Variants in GABPB1 observed in about 807,000 individuals in gnomAD.
The protein encoded by GABPB1 is GA binding protein transcription factor subunit beta 1, also known as GA-binding protein subunit beta-1.
Under a neutral mutation model 45.9 loss-of-function variants are expected in GABPB1, and 15 were observed. The ratio of observed to expected loss-of-function variants is 0.33; its 90% CI spans 0.22 to 0.50. The LOEUF is 0.50. GABPB1 is among the 20% of genes least tolerant of loss of function. The pLI, the probability that GABPB1 is intolerant of heterozygous loss-of-function variation, is 0.98. For synonymous variants in GABPB1, 143 were observed against 154.4 expected, an observed-to-expected ratio of 0.93 and a Z score of 0.55; for missense variants, 252 against 457.5, an observed-to-expected ratio of 0.55 and a Z score of 4.10.
In GABPB1 at chr15:50,333,947, T is replaced by G. The variant is rs549048346; in HGVS notation, c.-1+21038A>C. Among the ~76,000 whole-genome samples the G allele has an allele frequency of 4.6e-5, 7 of 151,550 alleles. No individual in the cohort carries two copies. The South Asian group carries it at 1.5e-3, about 32-fold the overall frequency. ...AGGGAGGCTGAGGCAGGAGAATTGC[T>G]TGAACCCAGAAGGCGGAGGTTGCAG... is the stretch of plus-strand genomic sequence containing the variant. On this transcript the variant is annotated intron_variant, in intron 1 of 8. Coordinates refer to ENST00000380877, the MANE Select transcript of GABPB1 (RefSeq NM_016654.5).
At chr15:50,292,314 CAAAAA>C (rs762047613) in intron 6 of GABPB1, among the ~76,000 whole-genome samples, 2 of 49,564 alleles carry the variant, frequency 4.0e-5, no homozygotes. Flanking sequence ...GACTCCATCT[CAAAAA>C]AAAAAAAAAA....
intron 1 of GABPB1, among the ~76,000 whole-genome samples, chr15:50,339,450 G>T (rs8040483): frequency 6.6e-6 from 1 of 151,244 alleles, no homozygotes; most frequent in African/African-American, 2.4e-5. Flanking sequence ...AGTGAGTCAA[G>T]ACTGTGCCAC....
At chr15:50,339,288 A>T (rs75833006) in intron 1 of GABPB1, among the ~76,000 whole-genome samples, 1 of 152,142 alleles carries the variant, frequency 6.6e-6, no homozygotes, top group African/African-American at 2.4e-5. Context: ...GCTGCACTCC[A>T]GTCTGGGCAA....
chr15:50,306,626 CAA>C (rs34344784), intron 2 of GABPB1, among the ~76,000 whole-genome samples: 35 of 84,348 alleles, frequency 4.1e-4, no homozygotes, highest in Admixed American at 8.2e-4. Context: ...AACTCTGTCT[CAA>C]AAAAAAAAAA....
At chr15:50,324,810 G>A (rs539960206) in intron 1 of GABPB1, among the ~76,000 whole-genome samples, 1 of 152,228 alleles carries the variant, frequency 6.6e-6, no homozygotes, top group East Asian at 1.9e-4. Flanking sequence ...GCCTCCCAAA[G>A]TGCTAGGATT....
chr15:50,336,353 CAAA>C (rs1178314012), intron 1 of GABPB1, among the ~76,000 whole-genome samples: 4 of 115,892 alleles, frequency 3.5e-5, no homozygotes, highest in Admixed American at 8.7e-5. Context: ...GACTCTGTCC[CAAA>C]AAAAAAAAAA....
At position 50,282,560 on chromosome 15, in the gene GABPB1, G is replaced by GAAAAAAAAAA. The variant is rs552203074; in HGVS notation, c.999+3498_999+3507dup. 1.5e-4 allele frequency among the ~76,000 whole-genome samples: 13 copies of GAAAAAAAAAA among 89,006 alleles called. 2 individuals are homozygous for GAAAAAAAAAA. The highest frequency in any genetic ancestry group is 2.6e-4 in the Non-Finnish European group (11 of 42,638). 58.4% of individuals were successfully genotyped at this position (89,006 alleles called of 152,430 possible). On this transcript the variant is annotated intron_variant, in intron 8 of 8. Coordinates refer to ENST00000380877, the MANE Select transcript of GABPB1 (RefSeq NM_016654.5). ...CAAAGTGAGACCCTGCCTTAAAAAA[G>GAAAAAAAAAA]AAAAAAAAAAAAAAACAGAGACGGA...
chr15:50,352,309 GAA>G (rs1001045386), intron 1 of GABPB1: 1 of 148,568 alleles, frequency 6.7e-6, no homozygotes, highest in Non-Finnish European at 1.5e-5. Flanking sequence ...AATGTTATGG[GAA>G]AAAACACACT....
At chr15:50,280,579 C>T (rs763518393) in intron 8 of GABPB1, among the ~76,000 whole-genome samples, 2 of 151,958 alleles carry the variant, frequency 1.3e-5, no homozygotes, top group Non-Finnish European at 2.9e-5. Flanking sequence ...GGCAAAACCC[C>T]TACAAAAAAT....
chr15:50,339,585 T>C (rs1235968573), intron 1 of GABPB1, among the ~76,000 whole-genome samples: 2 of 152,144 alleles, frequency 1.3e-5, no homozygotes, highest in Non-Finnish European at 2.9e-5. Flanking sequence ...CAGATATACA[T>C]TCTCTATTTC....
chr15:50,281,759 C>T (rs950555137), intron 8 of GABPB1, among the ~76,000 whole-genome samples: 1 of 152,046 alleles, frequency 6.6e-6, no homozygotes, highest in Non-Finnish European at 1.5e-5. Context: ...TGGTACCTGG[C>T]CATTTATGAA....
At chr15:50,310,111 GAC>G (rs1759666176) in intron 1 of GABPB1, among the ~76,000 whole-genome samples, 1 of 152,054 alleles carries the variant, frequency 6.6e-6, no homozygotes, top group Non-Finnish European at 1.5e-5. Flanking sequence ...TTTTTTTCTT[GAC>G]ACAGAGTCTC....
intron 6 of GABPB1, among the ~76,000 whole-genome samples, chr15:50,298,149 T>C (rs2046590362): frequency 6.6e-6 from 1 of 152,192 alleles, no homozygotes; most frequent in Non-Finnish European, 1.5e-5. Context: ...TGGAGTATAG[T>C]GGCGCGATCA....
chr15:50,299,622 C>G (rs1207183645), intron 6 of GABPB1, among the ~76,000 whole-genome samples: 3 of 152,240 alleles, frequency 2.0e-5, no homozygotes, highest in African/African-American at 7.2e-5. Context: ...TGGTCTCGAA[C>G]TCCTGACCTC....
chr15:50,282,219 A>G (rs942848770), intron 8 of GABPB1: 1 of 441,032 alleles, frequency 2.3e-6, no homozygotes, highest in East Asian at 7.2e-5. Flanking sequence ...ATAAATAAAT[A>G]CAAACATACA....
chr15:50,277,102 A>C lies in GABPB1; in HGVS notation c.*1530T>G, dbSNP rs562333395. The C allele has an allele frequency of 1.3e-5, 2 of 152,208 alleles. No homozygotes were observed. The highest frequency in any genetic ancestry group is 4.8e-5 in the African/African-American group (2 of 41,454). The allele number at this position is 152,208 out of a possible 1,614,324, so 9.4% of individuals were successfully genotyped here. ...AACAAATATACTGGTAATTCCAGTG[A>C]AAGAGTTAACAAATTCTCAAGAGTT... On this transcript the variant is annotated 3_prime_UTR_variant, in exon 9 of 9. Transcript: ENST00000380877.
chr15:50,324,871 A>T (rs1417154388), intron 1 of GABPB1, among the ~76,000 whole-genome samples: 1 of 151,974 alleles, frequency 6.6e-6, no homozygotes, highest in Non-Finnish European at 1.5e-5. Context: ...TATGGGCACA[A>T]GTTAAGGTTA....
chr15:50,341,233 T>C (rs905030847), intron 1 of GABPB1, among the ~76,000 whole-genome samples: 4 of 152,022 alleles, frequency 2.6e-5, no homozygotes, highest in Admixed American at 1.3e-4. Context: ...ATATGTATAT[T>C]TAACTTGAAA....
chr15:50,282,199 CA>C, intron 8 of GABPB1: 1 of 429,404 alleles, frequency 2.3e-6, no homozygotes, highest in East Asian at 7.5e-5. Context: ...GACCCTGTCT[CA>C]AAAAATAAAT....
Sources: gnomAD v4.1 joint callset for allele counts (sites outside exome capture counted in the v4.1 genomes callset) on GRCh38, gnomAD v4.1.1 for gene constraint, MANE v1.5 for transcripts, NCBI Gene and HGNC (gene_info 2026-07-23, HGNC 2026-07-21) for gene names.